Variants in ANO6 observed in about 807,000 individuals in gnomAD.
The protein encoded by ANO6 is anoctamin-6.
Under a neutral mutation model 117.5 loss-of-function variants are expected in ANO6, and 106 were observed. The ratio of observed to expected loss-of-function variants is 0.90; its 90% CI spans 0.77 to 1.06. ANO6 has a LOEUF of 1.06. Among genes scored for constraint, ANO6 ranks in the 50% least tolerant of loss-of-function variants. The pLI, the probability that ANO6 is intolerant of heterozygous loss-of-function variation, is 0.00. For missense variants in ANO6, 955 were observed against 1,121.1 expected, an observed-to-expected ratio of 0.85 and a Z score of 2.12; for synonymous variants, 367 against 385.1, an observed-to-expected ratio of 0.95 and a Z score of 0.55.
At position 45,431,075 on chromosome 12, in the gene ANO6, A is replaced by G. The variant is rs1943620537; in HGVS notation, c.*1764A>G. The G allele has an allele frequency of 1.0e-6, 1 of 985,432 alleles. No homozygotes were observed. The allele number at this position is 985,432 out of a possible 1,614,324, so 61.0% of individuals were successfully genotyped here. A position where few individuals can be genotyped will look rare whatever the true frequency, so the allele number is the denominator to read the frequency against. ...GTAAGTAATTATGTAGGATCCATCA[A>G]AGCAGTATTGTAGGCTTTTGAATTG... On this transcript the variant is annotated 3_prime_UTR_variant, in exon 20 of 20. Transcript: ENST00000320560.
At position 45,429,807 on chromosome 12, in the gene ANO6, A is replaced by C. The variant is rs1489327897; in HGVS notation, c.*496A>C. 1.0e-6 allele frequency: 1 copy of C among 994,350 alleles called. No homozygotes were observed. The allele number at this position is 994,350 out of a possible 1,614,324, so 61.6% of individuals were successfully genotyped here. Reference sequence around the variant, plus strand: ...TGATTAAAAATAGCTAACTAGACTCAAGGATTCACAATATTTAGGTGTATT... The same window carrying C: ...TGATTAAAAATAGCTAACTAGACTCCAGGATTCACAATATTTAGGTGTATT... On this transcript the variant is annotated 3_prime_UTR_variant, in exon 20 of 20. Coordinates refer to ENST00000320560, the MANE Select transcript of ANO6 (RefSeq NM_001025356.3).
At chr12:45,285,237 T>C (rs1938870024) in intron 1 of ANO6, among the ~76,000 whole-genome samples, 1 of 152,214 alleles carries the variant, frequency 6.6e-6, no homozygotes, top group Admixed American at 6.5e-5. Context: ...TGTTCCTGCC[T>C]GCCATCCATC....
At chr12:45,228,291 C>CCT in intron 1 of ANO6, 1 of 166,830 alleles carries the variant, frequency 6.0e-6, no homozygotes. Context: ...CCAGGCCCTC[C>CCT]TTTTTTTTTT....
At chr12:45,246,414 T>C (rs1052105707) in intron 1 of ANO6, among the ~76,000 whole-genome samples, 1 of 152,150 alleles carries the variant, frequency 6.6e-6, no homozygotes, top group Middle Eastern at 3.2e-3. Context: ...TATTTCTACA[T>C]TTGAGCATTC....
At position 45,229,535 on chromosome 12, in the gene ANO6, G is replaced by A. The variant is rs191154788; in HGVS notation, c.70+13144G>A. ...CTCCCGAGTAGCTGGGACTACAGGC[G>A]CCTGCCATCACGCCCAGCTAATTTT... On this transcript the variant is annotated intron_variant, in intron 1 of 19. Transcript: ENST00000320560. 4.0e-5 allele frequency among the ~76,000 whole-genome samples: 6 copies of A among 151,860 alleles called. No homozygotes were observed. In the East Asian group the frequency reaches 7.8e-4, roughly 20 times the overall value.
intron 10 of ANO6, among the ~76,000 whole-genome samples, chr12:45,380,539 T>C (rs1450742066): frequency 6.6e-6 from 1 of 152,182 alleles, no homozygotes; most frequent in African/African-American, 2.4e-5. Context: ...AGCAAAATAA[T>C]GCATCTCCTG....
Position 45,227,642 on chromosome 12 carries a change from C to G in ANO6, c.70+11251C>G, listed in dbSNP as rs142215625. Among the ~76,000 whole-genome samples, 433 of 151,934 alleles carry G rather than the reference C, an allele frequency of 2.8e-3. 1 individual carries two copies. The highest frequency in any genetic ancestry group is 4.2e-3 in the Non-Finnish European group (287 of 67,928). ...CTTTTTCTTTTTTTTTTAGATAAAA[C>G]TGTCATGGAAACTGCTACTTTTAAC... On this transcript the variant is annotated intron_variant, in intron 1 of 19. Transcript: ENST00000320560.
chr12:45,222,897 C>T (rs1193010174), intron 1 of ANO6, among the ~76,000 whole-genome samples: 9 of 152,204 alleles, frequency 5.9e-5, no homozygotes, highest in East Asian at 1.9e-4. Context: ...AGTATTAAAT[C>T]GTATGCTTTT....
At chr12:45,362,810 T>C (rs902220904) in intron 8 of ANO6, among the ~76,000 whole-genome samples, 2 of 152,238 alleles carry the variant, frequency 1.3e-5, no homozygotes, top group African/African-American at 4.8e-5. Flanking sequence ...TTGGTACAGA[T>C]CTGTTCCTTC....
chr12:45,301,979 A>G (rs756702916), intron 1 of ANO6, 35 bp from the exon 2 acceptor site: 21 of 1,588,182 alleles, frequency 1.3e-5, no homozygotes, highest in African/African-American at 1.3e-5. Flanking sequence ...GTGCAGGTTC[A>G]TGCTTCATTT....
intron 1 of ANO6, among the ~76,000 whole-genome samples, chr12:45,299,295 G>A (rs1939401916): frequency 1.3e-5 from 2 of 152,204 alleles, no homozygotes; most frequent in African/African-American, 4.8e-5. Flanking sequence ...GTAACAGACT[G>A]TGTGGTGATT....
intron 9 of ANO6, among the ~76,000 whole-genome samples, chr12:45,370,706 G>C (rs1380585401): frequency 6.6e-6 from 1 of 152,180 alleles, no homozygotes; most frequent in Non-Finnish European, 1.5e-5. Context: ...GGAGAAGATG[G>C]TTCCATAAGA....
intron 10 of ANO6, among the ~76,000 whole-genome samples, chr12:45,387,414 A>C (rs1942327605): frequency 6.6e-6 from 1 of 152,184 alleles, no homozygotes; most frequent in East Asian, 1.9e-4. Context: ...TAGGAAGGAA[A>C]GGAGAGTACA....
At chr12:45,281,444 TGGCATCTGCTTCTAGGAGG>T (rs1938729912) in intron 1 of ANO6, among the ~76,000 whole-genome samples, 1 of 152,246 alleles carries the variant, frequency 6.6e-6, no homozygotes, top group African/African-American at 2.4e-5. Flanking sequence ...AGTGCACTGT[TGGCATCTGCTTCTAGGAGG>T]GCCTCAGGGA....
chr12:45,378,855 AGTATCTGCTACTC>A (rs1565733941), intron 10 of ANO6, among the ~76,000 whole-genome samples: 1 of 152,204 alleles, frequency 6.6e-6, no homozygotes, highest in East Asian at 1.9e-4. Flanking sequence ...ATATTTAATG[AGTATCTGCTACTC>A]GTATAATAAC....
intron 2 of ANO6, among the ~76,000 whole-genome samples, chr12:45,319,238 T>C (rs1940167683): frequency 6.6e-6 from 1 of 152,202 alleles, no homozygotes; most frequent in African/African-American, 2.4e-5. Flanking sequence ...TTCAGTATGA[T>C]ATTGGCTGTG....
chr12:45,331,532 C>A, intron 3 of ANO6, 109 bp downstream of exon 3: 1 of 1,043,930 alleles, frequency 9.6e-7, no homozygotes, highest in Non-Finnish European at 1.4e-6. Flanking sequence ...ATATCATACA[C>A]AAAACAGTTT....
chr12:45,296,379 T>C (rs1165645156), intron 1 of ANO6, among the ~76,000 whole-genome samples: 4 of 152,204 alleles, frequency 2.6e-5, no homozygotes, highest in Non-Finnish European at 4.4e-5. Flanking sequence ...TATCTTGATA[T>C]CTGTACTTAC....
chr12:45,403,826 C>T (rs927553437), intron 15 of ANO6, among the ~76,000 whole-genome samples: 1 of 152,120 alleles, frequency 6.6e-6, no homozygotes, highest in Non-Finnish European at 1.5e-5. Context: ...TAATCACAAC[C>T]CTTTGAGCGA....
Sources: allele counts gnomAD v4.1 joint callset (sites outside exome capture counted in the v4.1 genomes callset), GRCh38; gene constraint gnomAD v4.1.1; transcripts MANE v1.5; gene names NCBI Gene and HGNC (gene_info 2026-07-23, HGNC 2026-07-21).